GPC5: variants seen among roughly 807,000 people sequenced by gnomAD.
The protein encoded by GPC5 is glypican-5.
In GPC5, 47 loss-of-function variants were observed where a neutral mutation model predicts 53.9. The ratio of observed to expected loss-of-function variants is 0.87; its 90% CI spans 0.69 to 1.11. The LOEUF is 1.11. Ranked by LOEUF, GPC5 falls within the 50% of genes most tolerant of loss-of-function variation. The pLI, the probability that GPC5 is intolerant of heterozygous loss-of-function variation, is 0.00. For synonymous variants in GPC5, 286 were observed against 263.3 expected (o/e 1.09, Z -0.84); for missense variants, 748 against 713.1 (o/e 1.05, Z -0.56).
intron 7 of GPC5, among the ~76,000 whole-genome samples, chr13:92,158,371 C>T (rs1425718051): frequency 1.3e-5 from 2 of 151,870 alleles, no homozygotes; most frequent in African/African-American, 2.4e-5. Flanking sequence ...AAGGAAAATT[C>T]ATACATTCAA....
chr13:92,555,485 A>T (rs982042686), intron 7 of GPC5, among the ~76,000 whole-genome samples: 2 of 151,458 alleles, frequency 1.3e-5, no homozygotes, highest in Admixed American at 1.3e-4. Context: ...TCTTATAAAC[A>T]TATGCAACAA....
At chr13:91,821,273 C>T (rs2038490457) in intron 5 of GPC5, among the ~76,000 whole-genome samples, 1 of 152,064 alleles carries the variant, frequency 6.6e-6, no homozygotes, top group Non-Finnish European at 1.5e-5. Flanking sequence ...TGTTTTCTTG[C>T]TGTTGTTTAT....
At chr13:92,299,925 G>A (rs2043063863) in intron 7 of GPC5, among the ~76,000 whole-genome samples, 1 of 152,102 alleles carries the variant, frequency 6.6e-6, no homozygotes, top group Non-Finnish European at 1.5e-5. Flanking sequence ...TGAGGCTTGT[G>A]AAAAAGGAGG....
intron 2 of GPC5, among the ~76,000 whole-genome samples, chr13:91,540,617 A>C (rs1235893895): frequency 6.6e-6 from 1 of 152,236 alleles, no homozygotes; most frequent in Non-Finnish European, 1.5e-5. Context: ...TGGCATGTGA[A>C]TTATACTTCA....
intron 7 of GPC5, among the ~76,000 whole-genome samples, chr13:92,320,601 G>T (rs1255639756): frequency 6.6e-6 from 1 of 152,126 alleles, no homozygotes; most frequent in Non-Finnish European, 1.5e-5. Context: ...GTTCCAGCTT[G>T]TCTTTTGTTG....
Position 92,761,271 on chromosome 13 carries a change from C to A in GPC5, c.1562-105011C>A, listed in dbSNP as rs1424104004. 2.0e-5 allele frequency among the ~76,000 whole-genome samples: 3 copies of A among 152,258 alleles called. No individual in the cohort carries two copies. The South Asian group carries it at 6.2e-4, about 32-fold the overall frequency. ...GTAACATCAAACTTCTGGGCTCAAGCAATTCTCTGCCTTAGCCTCACAAGT... is the reference window on the plus strand; with the variant it reads ...GTAACATCAAACTTCTGGGCTCAAGAAATTCTCTGCCTTAGCCTCACAAGT... On this transcript the variant is annotated intron_variant, in intron 7 of 7. Coordinates refer to ENST00000377067, the MANE Select transcript of GPC5 (RefSeq NM_004466.6).
chr13:92,281,506 G>A (rs1349375268), intron 7 of GPC5, among the ~76,000 whole-genome samples: 2 of 152,150 alleles, frequency 1.3e-5, no homozygotes, highest in Non-Finnish European at 2.9e-5. Flanking sequence ...CCAGTAGGGG[G>A]AGACTGACAC....
intron 7 of GPC5, among the ~76,000 whole-genome samples, chr13:92,290,136 G>A (rs562059086): frequency 6.6e-6 from 1 of 152,184 alleles, no homozygotes; most frequent in East Asian, 1.9e-4. Context: ...CAATTTTAAG[G>A]TAATGTTCTT....
chr13:92,295,444 C>T (rs2043027921), intron 7 of GPC5, among the ~76,000 whole-genome samples: 1 of 152,082 alleles, frequency 6.6e-6, no homozygotes, highest in Admixed American at 6.5e-5. Flanking sequence ...TATCGTAGGT[C>T]TATCTTGAAG....
Position 92,714,187 on chromosome 13 carries a change from C to A in GPC5, c.1562-152095C>A, listed in dbSNP as rs1333539870. Reference sequence around the variant, plus strand: ...TCATGGAAGTCAACAAATATAGGAACTTCCTGTGTTATTATGTTACATATG... The same window carrying A: ...TCATGGAAGTCAACAAATATAGGAAATTCCTGTGTTATTATGTTACATATG... On this transcript the variant is annotated intron_variant, in intron 7 of 7. Coordinates refer to ENST00000377067, the MANE Select transcript of GPC5 (RefSeq NM_004466.6). Among the ~76,000 whole-genome samples, 3 of 152,282 alleles carry A rather than the reference C, an allele frequency of 2.0e-5. No individual in the cohort carries two copies. The East Asian group carries it at 5.8e-4, about 29-fold the overall frequency.
chr13:92,450,668 G>A (rs1246499288), intron 7 of GPC5, among the ~76,000 whole-genome samples: 1 of 152,186 alleles, frequency 6.6e-6, no homozygotes, highest in Non-Finnish European at 1.5e-5. Context: ...GAGAGAACAT[G>A]TAACACTGAA....
intron 2 of GPC5, among the ~76,000 whole-genome samples, chr13:91,545,592 G>T (rs1252107826): frequency 6.6e-6 from 1 of 151,952 alleles, no homozygotes; most frequent in Non-Finnish European, 1.5e-5. Context: ...ATTTTAAGGT[G>T]CACAATACAT....
intron 6 of GPC5, among the ~76,000 whole-genome samples, chr13:92,035,173 C>T (rs1218085548): frequency 6.7e-6 from 1 of 149,890 alleles, no homozygotes; most frequent in African/African-American, 2.5e-5. Flanking sequence ...AGAGATGGCG[C>T]CACTACACTC....
intron 7 of GPC5, among the ~76,000 whole-genome samples, chr13:92,339,005 T>C (rs2043345123): frequency 6.6e-6 from 1 of 152,030 alleles, no homozygotes; most frequent in Admixed American, 6.6e-5. Flanking sequence ...GTGGGAAATC[T>C]CTGTATCTTC....
intron 6 of GPC5, among the ~76,000 whole-genome samples, chr13:91,978,347 A>G (rs764474369): frequency 6.6e-6 from 1 of 152,162 alleles, no homozygotes; most frequent in Non-Finnish European, 1.5e-5. Flanking sequence ...ATATTTATTG[A>G]ATGTTTCCTA....
At chr13:91,739,686 T>A (rs2036888670) in intron 4 of GPC5, among the ~76,000 whole-genome samples, 1 of 151,364 alleles carries the variant, frequency 6.6e-6, no homozygotes, top group Non-Finnish European at 1.5e-5. Flanking sequence ...TGCGGCTAAC[T>A]TCCCTCAGAA....
At chr13:92,625,263 C>T (rs1885011316) in intron 7 of GPC5, among the ~76,000 whole-genome samples, 1 of 152,074 alleles carries the variant, frequency 6.6e-6, no homozygotes, top group African/African-American at 2.4e-5. Flanking sequence ...ATTTTCATAA[C>T]TCAGATTCTA....
chr13:92,202,305 G>C (rs773927619), intron 7 of GPC5, among the ~76,000 whole-genome samples: 4 of 152,090 alleles, frequency 2.6e-5, no homozygotes, highest in Non-Finnish European at 4.4e-5. Context: ...ATGCAGAACA[G>C]GCTATGTTTT....
intron 5 of GPC5, among the ~76,000 whole-genome samples, chr13:91,831,128 G>A (rs1285066198): frequency 2.1e-5 from 3 of 143,348 alleles, no homozygotes; most frequent in East Asian, 4.0e-4. Context: ...ATATATATGA[G>A]TTTATTAAGT....
Sources: gnomAD v4.1 joint callset for allele counts (sites outside exome capture counted in the v4.1 genomes callset) on GRCh38, gnomAD v4.1.1 for gene constraint, MANE v1.5 for transcripts, NCBI Gene and HGNC (gene_info 2026-07-23, HGNC 2026-07-21) for gene names.